Variants in PIK3C2G observed in about 807,000 individuals in gnomAD.
PIK3C2G encodes phosphatidylinositol 3-kinase C2 domain-containing subunit gamma.
PIK3C2G carries 168 observed loss-of-function variants against 181.1 expected under a neutral mutation model. The ratio of observed to expected loss-of-function variants is 0.93; its 90% CI spans 0.82 to 1.05. The LOEUF (loss-of-function observed/expected upper bound fraction) is 1.05. Ranked by LOEUF, PIK3C2G falls within the 50% of genes least tolerant of loss-of-function variation. PIK3C2G has a pLI of 0.00. For synonymous variants in PIK3C2G, 573 were observed against 592.2 expected (o/e 0.97, Z 0.47); for missense variants, 1,869 against 1,732.8 (o/e 1.08, Z -1.40).
the PIK3C2G span, among the ~76,000 whole-genome samples, chr12:18,658,874 T>A: frequency 6.6e-6 from 1 of 152,138 alleles, no homozygotes; most frequent in Non-Finnish European, 1.5e-5. Context: ...ATGGAAAAAA[T>A]TTGCATTATG....
chr12:18,273,618 T>G (rs1948839540), intron 1 of PIK3C2G, among the ~76,000 whole-genome samples: 1 of 152,182 alleles, frequency 6.6e-6, no homozygotes, highest in South Asian at 2.1e-4. Context: ...AAGCTGAAAC[T>G]GGATCCCTTC....
rs1231481948 is a variant in PIK3C2G, at chr12:18,546,310, T to C, written c.3481-13T>C. 2 of 1,421,474 alleles carry C rather than the reference T, an allele frequency of 1.4e-6. No homozygotes were observed. The highest frequency in any genetic ancestry group is 2.0e-6 in the Non-Finnish European group (2 of 1,016,012). 88.1% of individuals were successfully genotyped at this position (1,421,474 alleles called of 1,614,324 possible). ...GTCTTCTTTTTGCTTTGCTTGTTCT[T>C]GTTGTGGTTAAGATGCTGTATGCAG... On this transcript the variant is annotated splice_polypyrimidine_tract_variant and intron_variant, in intron 25 of 32. Transcript: ENST00000538779.
At chr12:18,378,337 AG>A (rs879665149) in intron 13 of PIK3C2G, among the ~76,000 whole-genome samples, 2 of 152,080 alleles carry the variant, frequency 1.3e-5, no homozygotes, top group Non-Finnish European at 2.9e-5. Context: ...ACTAATGAGA[AG>A]AAATAAAGTT....
chr12:18,639,476 C>T (rs1949753342), intron 31 of PIK3C2G, among the ~76,000 whole-genome samples: 1 of 152,104 alleles, frequency 6.6e-6, no homozygotes, highest in African/African-American at 2.4e-5. Flanking sequence ...TTTAAATCAT[C>T]TGCTTTAAAT....
chr12:18,541,900 C>A (rs2136252524), intron 25 of PIK3C2G, among the ~76,000 whole-genome samples: 1 of 151,968 alleles, frequency 6.6e-6, no homozygotes, highest in East Asian at 1.9e-4. Context: ...AGGAACAGAA[C>A]ACATTAATAA....
At chr12:18,562,982 A>G in intron 27 of PIK3C2G, 90 bp downstream of exon 27, 2 of 819,568 alleles carry the variant, frequency 2.4e-6, no homozygotes, top group Middle Eastern at 2.3e-4. Context: ...TTCTTATAGC[A>G]TAATTTTTTA....
chr12:18,336,252 A>C (rs377507688), intron 8 of PIK3C2G, among the ~76,000 whole-genome samples: 17 of 152,232 alleles, frequency 1.1e-4, no homozygotes, highest in East Asian at 9.7e-4. Flanking sequence ...ACTTCACAGA[A>C]GAGGGAGTCT....
At chr12:18,500,091 T>G (rs1001653195) in intron 22 of PIK3C2G, among the ~76,000 whole-genome samples, 3 of 152,190 alleles carry the variant, frequency 2.0e-5, no homozygotes, top group Non-Finnish European at 4.4e-5. Context: ...TGGGAGCCCC[T>G]TTCTGGGCTG....
At chr12:18,500,174 C>G (rs1941319643) in intron 22 of PIK3C2G, among the ~76,000 whole-genome samples, 1 of 152,162 alleles carries the variant, frequency 6.6e-6, no homozygotes, top group Non-Finnish European at 1.5e-5. Flanking sequence ...AACCGGGCTG[C>G]GCCCAGTGCT....
At chr12:18,474,243 C>G (rs1487396356) in intron 18 of PIK3C2G, among the ~76,000 whole-genome samples, 4 of 152,136 alleles carry the variant, frequency 2.6e-5, no homozygotes, top group African/African-American at 9.6e-5. Context: ...AAAAGTCACA[C>G]AGCCTTTAAA....
chr12:18,325,510 C>T (rs983514195), intron 8 of PIK3C2G, among the ~76,000 whole-genome samples: 17 of 151,690 alleles, frequency 1.1e-4, no homozygotes, highest in Admixed American at 9.9e-4. Flanking sequence ...AGATCGAGAC[C>T]ATCCTGGCCA....
intron 13 of PIK3C2G, among the ~76,000 whole-genome samples, chr12:18,371,527 A>G (rs796585719): frequency 2.0e-5 from 3 of 152,284 alleles, no homozygotes; most frequent in African/African-American, 7.2e-5. Context: ...TGTCAGCTGG[A>G]TCATTTATAA....
chr12:18,483,308 T>C (rs941950250), intron 18 of PIK3C2G, among the ~76,000 whole-genome samples: 1 of 152,154 alleles, frequency 6.6e-6, no homozygotes, highest in African/African-American at 2.4e-5. Context: ...CTTAGTACTG[T>C]AACATTTTTA....
intron 8 of PIK3C2G, among the ~76,000 whole-genome samples, chr12:18,334,661 C>T (rs7960918): frequency 0.059 from 9,006 of 152,126 alleles, 914 homozygotes; most frequent in African/African-American, 0.21. Flanking sequence ...GGGACAATCA[C>T]ATTCAAATTT....
At chr12:18,401,157 T>C (rs1181832969) in intron 16 of PIK3C2G, among the ~76,000 whole-genome samples, 1 of 152,166 alleles carries the variant, frequency 6.6e-6, no homozygotes, top group Non-Finnish European at 1.5e-5. Flanking sequence ...ACCTAGGACG[T>C]AGTAATTCCT....
chr12:18,399,087 T>C (rs1223574282), intron 15 of PIK3C2G, among the ~76,000 whole-genome samples: 5 of 147,544 alleles, frequency 3.4e-5, no homozygotes, highest in South Asian at 2.1e-4. Flanking sequence ...CCCAGCTACT[T>C]GGGAGGCTGA....
At chr12:18,684,405 A>G in the PIK3C2G span, 10 of 856,244 alleles carry the variant, frequency 1.2e-5, no homozygotes, top group Non-Finnish European at 1.8e-5. Context: ...TTTAGAGCAC[A>G]TAGGTTTTTA....
At chr12:18,342,692 T>A (rs1293664683) in intron 9 of PIK3C2G, among the ~76,000 whole-genome samples, 3 of 151,882 alleles carry the variant, frequency 2.0e-5, no homozygotes, top group Non-Finnish European at 4.4e-5. Context: ...AATTCTAGGC[T>A]TCTAACAAGG....
chr12:18,363,216 TGTA>T (rs1332814374), intron 12 of PIK3C2G: 1 of 160,928 alleles, frequency 6.2e-6, no homozygotes, highest in Non-Finnish European at 1.3e-5. Flanking sequence ...GGAGTCCAGG[TGTA>T]ACAAAGAAAA....
Sources: allele counts gnomAD v4.1 joint callset (sites outside exome capture counted in the v4.1 genomes callset), GRCh38; gene constraint gnomAD v4.1.1; transcripts MANE v1.5; gene names NCBI Gene and HGNC (gene_info 2026-07-23, HGNC 2026-07-21).